RHBDL2: variants seen among roughly 807,000 people sequenced by gnomAD.
RHBDL2 encodes the protein rhomboid like 2.
A neutral mutation model predicts 31.7 loss-of-function variants in RHBDL2; 26 were observed. The observed-to-expected ratio is 0.82, with a 90% CI of 0.60 to 1.14. The LOEUF is 1.14. RHBDL2 is among the 50% of genes most tolerant of loss of function. The pLI is 0.00. For missense variants in RHBDL2, 336 were observed against 364.4 expected (o/e 0.92, Z 0.63); for synonymous variants, 123 against 127.2 (o/e 0.97, Z 0.22).
At chr1:38,920,564 T>C (rs1643299047) in intron 1 of RHBDL2, among the ~76,000 whole-genome samples, 1 of 151,972 alleles carries the variant, frequency 6.6e-6, no homozygotes, top group Non-Finnish European at 1.5e-5. Context: ...TTTGGGTTGT[T>C]TCCACCTTTT....
At chr1:38,912,984 A>AT (rs1424949758) in intron 3 of RHBDL2, among the ~76,000 whole-genome samples, 44 of 19,036 alleles carry the variant, frequency 2.3e-3, no homozygotes, top group East Asian at 3.4e-3. Context: ...GTGTGTGTGT[A>AT]TTTTTTTTTT....
At chr1:38,895,671 G>A (rs1642909204) in intron 5 of RHBDL2, among the ~76,000 whole-genome samples, 1 of 152,136 alleles carries the variant, frequency 6.6e-6, no homozygotes, top group East Asian at 1.9e-4. Context: ...AGGCATGGTG[G>A]CCCACACCTG....
chr1:38,929,196 A>G (rs1643412689), intron 1 of RHBDL2, among the ~76,000 whole-genome samples: 1 of 152,122 alleles, frequency 6.6e-6, no homozygotes, highest in Non-Finnish European at 1.5e-5. Flanking sequence ...CCAGCTGCCT[A>G]GACAGTCCCA....
chr1:38,932,956 C>T (rs1259488393), intron 1 of RHBDL2, among the ~76,000 whole-genome samples: 1 of 152,210 alleles, frequency 6.6e-6, no homozygotes, highest in Non-Finnish European at 1.5e-5. Flanking sequence ...TTAGTCTTCA[C>T]TCTGTTTCCA....
In RHBDL2 at chr1:38,911,387, A is replaced by G. The variant is rs1465169251; in HGVS notation, c.443T>C (p.Ile148Thr). 2 of 1,614,058 alleles carry G rather than the reference A, an allele frequency of 1.2e-6. No individual in the cohort carries two copies. The highest frequency in any genetic ancestry group is 8.5e-7 in the Non-Finnish European group (1 of 1,180,012). The change falls in exon 4 of 8, where the codon ATT (isoleucine) becomes ACT (threonine). Residue 148 changes from isoleucine to threonine, a missense_variant. Transcript: ENST00000372990. The stretch of plus-strand genomic sequence containing the variant: ...GCCTTTGTGGACCATTTCCAAGGGA[A>G]TACCCAAAACAAGCTGCATACAAAG... ...GNLCMQLVLGIPLEMVHKGLR... is the reference protein window; with the variant it reads ...GNLCMQLVLGTPLEMVHKGLR...
intron 4 of RHBDL2, among the ~76,000 whole-genome samples, chr1:38,910,554 C>T (rs1643125119): frequency 6.6e-6 from 1 of 152,154 alleles, no homozygotes; most frequent in Non-Finnish European, 1.5e-5. Flanking sequence ...ACGTATGCTA[C>T]TTTTACCTAC....
At chr1:38,920,438 G>A (rs929412478) in intron 1 of RHBDL2, among the ~76,000 whole-genome samples, 2 of 151,832 alleles carry the variant, frequency 1.3e-5, no homozygotes. Context: ...AAAGTGTTGG[G>A]ATTACAGGCA....
intron 1 of RHBDL2, among the ~76,000 whole-genome samples, chr1:38,925,396 G>C (rs930604785): frequency 1.3e-5 from 2 of 152,060 alleles, no homozygotes; most frequent in Non-Finnish European, 2.9e-5. Flanking sequence ...TACTCGGGAG[G>C]CTGAGACAGG....
At chr1:38,931,014 G>A (rs1181556525) in intron 1 of RHBDL2, among the ~76,000 whole-genome samples, 1 of 152,170 alleles carries the variant, frequency 6.6e-6, no homozygotes, top group African/African-American at 2.4e-5. Context: ...AGCAGAGATG[G>A]CTGCTTCTAA....
intron 2 of RHBDL2, among the ~76,000 whole-genome samples, chr1:38,917,650 C>T (rs1241420999): frequency 6.6e-6 from 1 of 152,172 alleles, no homozygotes; most frequent in East Asian, 1.9e-4. Context: ...CGGACGACTT[C>T]CCAGTTGCAA....
At position 38,918,975 on chromosome 1, in the gene RHBDL2, G is replaced by C. The variant is rs1643273979; in HGVS notation, c.238C>G (p.Leu80Val). 6.2e-7 allele frequency: 1 copy of C among 1,612,738 alleles called. No homozygotes were observed. The highest frequency in any genetic ancestry group is 8.5e-7 in the Non-Finnish European group (1 of 1,179,018). The change falls in exon 2 of 8, where the codon CTG becomes GTG. Residue 80 changes from leucine (L) to valine (V), a missense_variant. By Grantham distance (32) the Leu-to-Val change is conservative. Coordinates refer to ENST00000372990, the MANE Select transcript of RHBDL2 (RefSeq NM_017821.5). ...PPPVFIISIS[L>V]AELAVFIYYA... Reference sequence around the variant, plus strand: ...CCCCGCTCCCCATTCACCTCGGCCAGGCTGATGGAGATGATGAACACGGGA... The same window carrying C: ...CCCCGCTCCCCATTCACCTCGGCCACGCTGATGGAGATGATGAACACGGGA...
intron 4 of RHBDL2, among the ~76,000 whole-genome samples, chr1:38,903,061 G>A (rs1232714604): frequency 2.0e-5 from 3 of 152,084 alleles, no homozygotes; most frequent in African/African-American, 7.2e-5. Flanking sequence ...AGTTTAGCAA[G>A]GTTGGAAAAC....
chr1:38,916,603 G>A (rs981135881), intron 2 of RHBDL2, among the ~76,000 whole-genome samples: 2 of 152,014 alleles, frequency 1.3e-5, no homozygotes, highest in African/African-American at 4.8e-5. Flanking sequence ...CCAGCCCTTT[G>A]GCGGGAGGCT....
intron 3 of RHBDL2, among the ~76,000 whole-genome samples, chr1:38,914,871 G>A (rs1643209467): frequency 6.6e-6 from 1 of 151,048 alleles, no homozygotes; most frequent in Non-Finnish European, 1.5e-5. Context: ...TCTACTAAAA[G>A]TATAAAAATT....
chr1:38,916,343 T>A (rs1643234977), intron 2 of RHBDL2, among the ~76,000 whole-genome samples: 1 of 152,128 alleles, frequency 6.6e-6, no homozygotes, highest in Non-Finnish European at 1.5e-5. Flanking sequence ...ACAGGATCCC[T>A]AGCCAGTCCC....
At chr1:38,891,872 T>C (rs1642859460) in intron 6 of RHBDL2, among the ~76,000 whole-genome samples, 1 of 152,190 alleles carries the variant, frequency 6.6e-6, no homozygotes, top group Non-Finnish European at 1.5e-5. Flanking sequence ...ACCTCTGCCT[T>C]GGCTTTCAGG....
chr1:38,887,493 C>T (rs560904448), intron 7 of RHBDL2, among the ~76,000 whole-genome samples: 2 of 152,218 alleles, frequency 1.3e-5, no homozygotes, highest in African/African-American at 4.8e-5. Context: ...GGTGCGATCT[C>T]GGCTCACTGC....
intron 1 of RHBDL2, chr1:38,929,295 C>T: frequency 1.4e-5 from 11 of 779,444 alleles, no homozygotes; most frequent in Non-Finnish European, 1.8e-5. Context: ...GAATTCCCAC[C>T]ATCCCCACTG....
intron 1 of RHBDL2, among the ~76,000 whole-genome samples, chr1:38,936,674 AT>A (rs1385096113): frequency 2.0e-5 from 3 of 151,376 alleles, no homozygotes; most frequent in African/African-American, 7.3e-5. Context: ...TAATTTTTGC[AT>A]TTTTAGTAGA....
Sources: gnomAD v4.1 joint callset for allele counts (sites outside exome capture counted in the v4.1 genomes callset) on GRCh38, gnomAD v4.1.1 for gene constraint, MANE v1.5 for transcripts, NCBI Gene and HGNC (gene_info 2026-07-23, HGNC 2026-07-21) for gene names.